PTPRA: variants seen among roughly 807,000 people sequenced by gnomAD.
PTPRA encodes the protein receptor-type tyrosine-protein phosphatase alpha.
PTPRA carries 25 observed loss-of-function variants against 104.8 expected under a neutral mutation model. The ratio of observed to expected loss-of-function variants is 0.24; its 90% CI spans 0.17 to 0.33. PTPRA has a LOEUF of 0.33. Among genes scored for constraint, PTPRA ranks in the 10% least tolerant of loss-of-function variants. The probability of loss-of-function intolerance (pLI) is 1.00; values close to 1 mark genes in which losing one functional copy is unlikely to be tolerated. For missense variants in PTPRA, 765 were observed against 1,015.3 expected (o/e 0.75, Z 3.35); for synonymous variants, 323 against 368.9 (o/e 0.88, Z 1.43).
Position 2,949,510 on chromosome 20 carries a change from C to A in PTPRA, c.-7+1486C>A, listed in dbSNP as rs182756334. Among the ~76,000 whole-genome samples, 376 of 152,074 alleles carry A rather than the reference C, an allele frequency of 2.5e-3. 4 individuals carry two copies. Among genetic ancestry groups the A allele is most frequent in the African/African-American group, 8.4e-3 (349 of 41,530 alleles). Reference sequence around the variant, plus strand: ...GTTTTGCTATGTTGTCCAGCCTGGTCTTGAACTCCTGGGCTCAAGCAATCC... The same window carrying A: ...GTTTTGCTATGTTGTCCAGCCTGGTATTGAACTCCTGGGCTCAAGCAATCC... On this transcript the variant is annotated intron_variant, in intron 3 of 23. Coordinates refer to ENST00000399903, the MANE Select transcript of PTPRA (RefSeq NM_001385305.1).
intron 1 of PTPRA, among the ~76,000 whole-genome samples, chr20:2,886,238 G>T (rs999540334): frequency 6.6e-6 from 1 of 151,902 alleles, no homozygotes; most frequent in Non-Finnish European, 1.5e-5. Context: ...TTTTTTAAAG[G>T]TTATTATAGT....
At chr20:2,965,269 G>C (rs1600184082) in intron 5 of PTPRA, 67 bp downstream of exon 5, 1 of 1,415,984 alleles carries the variant, frequency 7.1e-7, no homozygotes, top group African/African-American at 1.4e-5. Context: ...TATCTTGTTT[G>C]TGTTTTCTAG....
chr20:2,876,236 ATAAT>A lies in PTPRA; in HGVS notation c.-129+2481_-129+2484del, dbSNP rs1487942688. Among the ~76,000 whole-genome samples, 12 of 152,350 alleles carry A rather than the reference ATAAT, an allele frequency of 7.9e-5. 1 individual carries two copies. The East Asian group carries it at 1.4e-3, about 17-fold the overall frequency. On this transcript the variant is annotated intron_variant, in intron 1 of 23. Coordinates refer to ENST00000399903, the MANE Select transcript of PTPRA (RefSeq NM_001385305.1). ...GAATCCTGCTCAATTTTGGGAAAAGATAATTAATGCAGATGAGAGAAAAATTCAA... is the reference window on the plus strand; with the variant it reads ...GAATCCTGCTCAATTTTGGGAAAAGATAATGCAGATGAGAGAAAAATTCAA...
upstream of PTPRA, among the ~76,000 whole-genome samples, chr20:2,870,705 A>T (rs888281918): frequency 1.3e-5 from 2 of 152,208 alleles, no homozygotes; most frequent in Non-Finnish European, 2.9e-5. Context: ...AAGAAACAGG[A>T]GTCCTTTCCC....
At chr20:2,954,005 A>G (rs1236291207) in intron 3 of PTPRA, among the ~76,000 whole-genome samples, 3 of 144,848 alleles carry the variant, frequency 2.1e-5, no homozygotes, top group Non-Finnish European at 4.5e-5. Context: ...AAACTCCTGG[A>G]CCCAAGCAAT....
intron 4 of PTPRA, 120 bp downstream of exon 4, chr20:2,964,470 T>C: frequency 1.1e-6 from 1 of 886,714 alleles, no homozygotes; most frequent in Non-Finnish European, 1.7e-6. Flanking sequence ...TTATTCAAAG[T>C]GATGGTAAAA....
chr20:3,031,192 C>T lies in PTPRA; in HGVS notation c.1920+3351C>T, dbSNP rs558443506. On this transcript the variant is annotated intron_variant, in intron 20 of 23. Transcript: ENST00000399903. Reference sequence around the variant, plus strand: ...CATTAGTCTTCACAAAGCTGTGTGTCCCCATCACCATGTCCGCCTTAGACC... The same window carrying T: ...CATTAGTCTTCACAAAGCTGTGTGTTCCCATCACCATGTCCGCCTTAGACC... Among the ~76,000 whole-genome samples the T allele has an allele frequency of 1.3e-3, 204 of 152,182 alleles. 2 individuals are homozygous for T. Among genetic ancestry groups the T allele is most frequent in the East Asian group, 7.7e-4 (4 of 5,174 alleles).
At chr20:2,988,527 G>A (rs2063004450) in intron 9 of PTPRA, 53 bp downstream of exon 9, 2 of 1,582,468 alleles carry the variant, frequency 1.3e-6, no homozygotes, top group Non-Finnish European at 1.7e-6. Flanking sequence ...CAGACCTAAA[G>A]TCAGACCTTT....
chr20:3,026,674 C>A lies in PTPRA; in HGVS notation c.1615-13C>A. ...TGGGATCAGTAATGTTTCCCCTCCC[C>A]TTCCCAATTCAGAAGTTAACATCAA... On this transcript the variant is annotated splice_polypyrimidine_tract_variant and intron_variant, in intron 17 of 23. Coordinates refer to ENST00000399903, the MANE Select transcript of PTPRA (RefSeq NM_001385305.1). 1 of 1,592,050 alleles carries A rather than the reference C, an allele frequency of 6.3e-7. No homozygotes were observed. The highest frequency in any genetic ancestry group is 8.6e-7 in the Non-Finnish European group (1 of 1,160,074).
chr20:2,906,619 C>G (rs192371907), intron 1 of PTPRA, among the ~76,000 whole-genome samples: 1 of 152,084 alleles, frequency 6.6e-6, no homozygotes, highest in Non-Finnish European at 1.5e-5. Flanking sequence ...GGAGTGATAA[C>G]ATTTTCTTAA....
intron 1 of PTPRA, among the ~76,000 whole-genome samples, chr20:2,900,145 CT>C (rs1401750606): frequency 8.8e-5 from 10 of 113,240 alleles, no homozygotes; most frequent in East Asian, 3.0e-4. Context: ...AATCTGCCTC[CT>C]TTTTTTTTTT....
intron 20 of PTPRA, among the ~76,000 whole-genome samples, chr20:3,031,873 C>T (rs2065472956): frequency 6.6e-6 from 1 of 152,124 alleles, no homozygotes; most frequent in African/African-American, 2.4e-5. Context: ...TGCTTTCTTA[C>T]TTTCATAGCA....
At chr20:3,021,920 CTG>C in intron 14 of PTPRA, 132 bp from the exon 15 acceptor site, 3 of 1,140,814 alleles carry the variant, frequency 2.6e-6, no homozygotes, top group Non-Finnish European at 3.7e-6. Flanking sequence ...GACCTTGTGT[CTG>C]TGGTTAACTA....
At chr20:2,947,400 A>G (rs2061174940) in intron 2 of PTPRA, among the ~76,000 whole-genome samples, 1 of 152,160 alleles carries the variant, frequency 6.6e-6, no homozygotes, top group Non-Finnish European at 1.5e-5. Flanking sequence ...TACTTCCTGT[A>G]TCTTAATTTT....
At chr20:2,968,646 GC>G (rs909171098) in intron 5 of PTPRA, among the ~76,000 whole-genome samples, 23 of 152,074 alleles carry the variant, frequency 1.5e-4, no homozygotes, top group African/African-American at 5.6e-4. Context: ...AGGCACAGTG[GC>G]TTATATCTGT....
intron 14 of PTPRA, 59 bp downstream of exon 14, chr20:3,021,487 G>A: frequency 6.2e-7 from 1 of 1,601,068 alleles, no homozygotes; most frequent in Non-Finnish European, 8.5e-7. Context: ...CAGTAAGAGG[G>A]AACAGGCTGG....
intron 1 of PTPRA, among the ~76,000 whole-genome samples, chr20:2,897,745 TTTTG>T (rs1254119741): frequency 1.5e-4 from 23 of 152,190 alleles, no homozygotes; most frequent in Non-Finnish European, 2.5e-4. Flanking sequence ...TTGTCTTTGT[TTTTG>T]TTTGTTTAAA....
At chr20:3,009,457 G>T (rs527270433) in intron 11 of PTPRA, among the ~76,000 whole-genome samples, 2 of 152,270 alleles carry the variant, frequency 1.3e-5, no homozygotes, top group Non-Finnish European at 2.9e-5. Context: ...TAAGGTGGTA[G>T]GATTGAGGAA....
chr20:2,989,921 G>T (rs897566881), intron 9 of PTPRA, among the ~76,000 whole-genome samples: 14 of 152,186 alleles, frequency 9.2e-5, no homozygotes, highest in Non-Finnish European at 1.6e-4. Context: ...GGAGGCTGAG[G>T]CAGGAGAATG....
Sources: gnomAD v4.1 joint callset for allele counts (sites outside exome capture counted in the v4.1 genomes callset) on GRCh38, gnomAD v4.1.1 for gene constraint, MANE v1.5 for transcripts, NCBI Gene and HGNC (gene_info 2026-07-23, HGNC 2026-07-21) for gene names.